Variants in VAC14 observed in about 807,000 individuals in gnomAD.
The protein encoded by VAC14 is VAC14 component of PIKFYVE complex, also known as protein VAC14 homolog.
A neutral mutation model predicts 85.3 loss-of-function variants in VAC14; 47 were observed. That is an observed-to-expected ratio of 0.55 (90% confidence interval 0.44 to 0.70). VAC14 has a LOEUF of 0.70. Among genes scored for constraint, VAC14 ranks in the 30% least tolerant of loss-of-function variants. The pLI is 0.00. For missense variants in VAC14, 861 were observed against 1,004.3 expected, an observed-to-expected ratio of 0.86 and a Z score of 1.93; for synonymous variants, 447 against 430.5, an observed-to-expected ratio of 1.04 and a Z score of -0.47.
At chr16:70,787,127 G>A (rs971008234) in intron 1 of VAC14, among the ~76,000 whole-genome samples, 7 of 152,166 alleles carry the variant, frequency 4.6e-5, no homozygotes, top group East Asian at 1.9e-4. Flanking sequence ...GGGATGACAC[G>A]CTCAGCCCCA....
chr16:70,792,440 A>G (rs2034380795), intron 1 of VAC14, among the ~76,000 whole-genome samples: 1 of 152,214 alleles, frequency 6.6e-6, no homozygotes, highest in South Asian at 2.1e-4. Flanking sequence ...TATACACCAG[A>G]GCAGGGATCC....
intron 14 of VAC14, chr16:70,714,822 G>A (rs1364489320): frequency 6.6e-6 from 1 of 152,276 alleles, no homozygotes; most frequent in African/African-American, 2.4e-5. Flanking sequence ...TTCCTAACTA[G>A]CCTGCGGTGT....
In VAC14 at chr16:70,788,615, T is replaced by A. The variant is rs1009022157; in HGVS notation, c.105-2250A>T. On this transcript the variant is annotated intron_variant, in intron 1 of 18. Coordinates refer to ENST00000261776, the MANE Select transcript of VAC14 (RefSeq NM_018052.5). ...GACAAACCAGCCAGGTGAGACCCAATCATCTGGCAGAGTGCCTAAGTATTG... is the reference window on the plus strand; with the variant it reads ...GACAAACCAGCCAGGTGAGACCCAAACATCTGGCAGAGTGCCTAAGTATTG... Among the ~76,000 whole-genome samples, 5 of 152,198 alleles carry A rather than the reference T, an allele frequency of 3.3e-5. No individual in the cohort carries two copies. In the East Asian group the frequency reaches 5.8e-4, roughly 18 times the overall value.
rs71401831 is a variant in VAC14 at position 70,781,642 on chromosome 16, G to A, written c.946+227C>T. Among the ~76,000 whole-genome samples, 20,220 of 152,104 alleles carry A rather than the reference G, an allele frequency of 0.13. 1,526 individuals carry two copies. The highest frequency in any genetic ancestry group is 0.2 in the Middle Eastern group (58 of 294). On this transcript the variant is annotated intron_variant, in intron 8 of 18. Coordinates refer to ENST00000261776, the MANE Select transcript of VAC14 (RefSeq NM_018052.5). ...TGGAACTTTGGGGCCCCAGAGAGCTGCTCCAGATCTGCAAGTAACCAGGCA... is the reference window on the plus strand; with the variant it reads ...TGGAACTTTGGGGCCCCAGAGAGCTACTCCAGATCTGCAAGTAACCAGGCA...
intron 2 of VAC14, 160 bp from the exon 3 acceptor site, chr16:70,786,029 G>A (rs1265190230): frequency 1.5e-6 from 2 of 1,323,142 alleles, no homozygotes; most frequent in African/African-American, 2.9e-5. Context: ...CCAGGAGAGG[G>A]CCCATGCCTA....
Position 70,760,962 on chromosome 16 carries a change from G to GGTGTGTGTGTGTGT in VAC14, c.1371+1564_1371+1577dup, listed in dbSNP as rs10671938. 2.8e-3 allele frequency among the ~76,000 whole-genome samples: 132 copies of GGTGTGTGTGTGTGT among 47,598 alleles called. 8 individuals carry two copies. The highest frequency in any genetic ancestry group is 3.3e-3 in the African/African-American group (38 of 11,664). The allele number at this position is 47,598 out of a possible 152,430, so 31.2% of individuals were successfully genotyped here. On this transcript the variant is annotated intron_variant, in intron 12 of 18. Transcript: ENST00000261776. ...TGCAGGGGGTGGTGCACGAAGAGAG[G>GGTGTGTGTGTGTGT]GTGTGTGTGTGTGTGTGTGTGTGTG... is the stretch of plus-strand genomic sequence containing the variant.
At chr16:70,725,624 A>C (rs955719778) in intron 14 of VAC14, among the ~76,000 whole-genome samples, 1 of 152,020 alleles carries the variant, frequency 6.6e-6, no homozygotes, top group Non-Finnish European at 1.5e-5. Context: ...TTAGGGACTG[A>C]GCATTTGCTC....
chr16:70,705,857 C>G (rs1461300477), intron 14 of VAC14, among the ~76,000 whole-genome samples: 2 of 152,256 alleles, frequency 1.3e-5, no homozygotes, highest in Non-Finnish European at 2.9e-5. Flanking sequence ...ATGGGACATC[C>G]TTCCCAGTGG....
intron 13 of VAC14, among the ~76,000 whole-genome samples, chr16:70,737,308 CT>C (rs1193415735): frequency 6.6e-6 from 1 of 152,208 alleles, no homozygotes; most frequent in Non-Finnish European, 1.5e-5. Flanking sequence ...CTCCGAGGAC[CT>C]CAGCGGTTTT....
chr16:70,800,815 G>A lies in VAC14; in HGVS notation c.86C>T (p.Ala29Val), dbSNP rs1219969838. ...NDKLYEKRKVAALEIEKLVRE... is the reference protein window; with the variant it reads ...NDKLYEKRKVVALEIEKLVRE... ...CTCTTACTTCTCGATCTCCAGCGCT[G>A]CCACCTTCCGCTTTTCGTACAGCTT... The change falls in exon 1 of 19, where the codon GCA becomes GTA. Residue 29 changes from alanine to valine, a missense_variant. Physicochemically the swap from Ala to Val is moderately conservative, Grantham distance 64 (BLOSUM62 0). Transcript: ENST00000261776. 3 of 1,609,100 alleles carry A rather than the reference G, an allele frequency of 1.9e-6. No individual in the cohort carries two copies. The highest frequency in any genetic ancestry group is 1.7e-6 in the Non-Finnish European group (2 of 1,177,900).
At chr16:70,767,049 C>T (rs1018274885) in intron 10 of VAC14, among the ~76,000 whole-genome samples, 5 of 152,188 alleles carry the variant, frequency 3.3e-5, no homozygotes, top group African/African-American at 9.7e-5. Flanking sequence ...AAAGTCTAGA[C>T]GAGTCACTCC....
Position 70,762,508 on chromosome 16 carries a change from T to C in VAC14, c.1371+32A>G. On this transcript the variant is annotated intron_variant, in intron 12 of 18. Coordinates refer to ENST00000261776, the MANE Select transcript of VAC14 (RefSeq NM_018052.5). This position sits in a 1 kb window ranked among gnomAD's most constrained non-coding sequence, Gnocchi z 4.1. ...ACAAGGGGAGGCAGGGCAGCCGATGTTCCATAAGTACGGGTGGCGTTGGTG... is the reference window on the plus strand; with the variant it reads ...ACAAGGGGAGGCAGGGCAGCCGATGCTCCATAAGTACGGGTGGCGTTGGTG... 2 of 1,609,864 alleles carry C rather than the reference T, an allele frequency of 1.2e-6. No homozygotes were observed. Among genetic ancestry groups the C allele is most frequent in the East Asian group, 2.2e-5 (1 of 44,846 alleles).
chr16:70,745,238 T>C (rs186855612), intron 12 of VAC14, among the ~76,000 whole-genome samples: 1 of 152,368 alleles, frequency 6.6e-6, no homozygotes, highest in Non-Finnish European at 1.5e-5. Context: ...TGCTGAGTTC[T>C]TCCGAGACAG....
In VAC14 at chr16:70,722,628, C is replaced by T. The variant is rs16970448; in HGVS notation, c.1661+8867G>A. Among the ~76,000 whole-genome samples the T allele has an allele frequency of 6.3e-3, 960 of 152,266 alleles. 11 individuals are homozygous for T. The highest frequency in any genetic ancestry group is 0.023 in the African/African-American group (935 of 41,536). ...AGAGCTTCCTGAGAAACGCATTCTA[C>T]AACGATGGACAAGACACACTCGGTG... On this transcript the variant is annotated intron_variant, in intron 14 of 18. Coordinates refer to ENST00000261776, the MANE Select transcript of VAC14 (RefSeq NM_018052.5).
intron 14 of VAC14, among the ~76,000 whole-genome samples, chr16:70,730,748 C>G (rs1192740262): frequency 6.6e-6 from 1 of 152,010 alleles, no homozygotes; most frequent in South Asian, 2.1e-4. Context: ...CAGGCATGTA[C>G]CACCACACCT....
intron 6 of VAC14, 96 bp downstream of exon 6, chr16:70,783,349 C>T: frequency 1.6e-6 from 2 of 1,281,796 alleles, no homozygotes; most frequent in Non-Finnish European, 1.1e-6. Flanking sequence ...AGGTGATTTC[C>T]TGCCCTCCTG....
intron 12 of VAC14, among the ~76,000 whole-genome samples, chr16:70,759,432 G>A (rs918248795): frequency 1.3e-5 from 2 of 152,160 alleles, no homozygotes; most frequent in Admixed American, 6.5e-5. Context: ...TTCAAGACCA[G>A]CCTGGCCAAC....
chr16:70,783,996 T>G, intron 5 of VAC14, 117 bp downstream of exon 5: 2 of 792,246 alleles, frequency 2.5e-6, no homozygotes, highest in Non-Finnish European at 4.2e-6. Flanking sequence ...CAGGTGTTAA[T>G]GGCTATTCAA....
At chr16:70,747,138 A>C (rs1264839393) in intron 12 of VAC14, 1 of 152,196 alleles carries the variant, frequency 6.6e-6, no homozygotes, top group African/African-American at 2.4e-5. Context: ...ACACCAGGGA[A>C]TATTATTTGG....
Sources: gnomAD v4.1 joint callset for allele counts (sites outside exome capture counted in the v4.1 genomes callset) on GRCh38, gnomAD v4.1.1 for gene constraint, Gnocchi (gnomAD v3.1) non-coding constraint, MANE v1.5 for transcripts, NCBI Gene and HGNC (gene_info 2026-07-23, HGNC 2026-07-21) for gene names.